Variants in INPP4B observed in about 807,000 individuals in gnomAD.
The protein encoded by INPP4B is inositol polyphosphate 4-phosphatase type II.
Under a neutral mutation model 122.5 loss-of-function variants are expected in INPP4B, and 55 were observed. That is an observed-to-expected ratio of 0.45 (90% confidence interval 0.36 to 0.56). INPP4B has a LOEUF of 0.56. Ranked by LOEUF, INPP4B falls within the 20% of genes least tolerant of loss-of-function variation. The pLI is 0.00. For synonymous variants in INPP4B, 403 were observed against 388.7 expected (o/e 1.04, Z -0.43); for missense variants, 1,000 against 1,097.7 (o/e 0.91, Z 1.26).
chr4:142,027,864 A>AT lies in INPP4B; in HGVS notation c.*917dup, dbSNP rs555585359. ...GTGGTTGCATATGTTTTAAAGGCTTATTAACACACACAAACCTATGCCATA... is the reference window on the plus strand; with the variant it reads ...GTGGTTGCATATGTTTTAAAGGCTTATTTAACACACACAAACCTATGCCATA... On this transcript the variant is annotated 3_prime_UTR_variant, in exon 26 of 26. Coordinates refer to ENST00000262992, the MANE Select transcript of INPP4B (RefSeq NM_001101669.3). 7.3e-5 allele frequency: 13 copies of AT among 177,648 alleles called. No individual in the cohort carries two copies. The South Asian group carries it at 2.4e-3, about 33-fold the overall frequency. 11.0% of individuals were successfully genotyped at this position (177,648 alleles called of 1,614,324 possible).
intron 2 of INPP4B, among the ~76,000 whole-genome samples, chr4:142,697,314 C>T (rs1416631528): frequency 6.6e-6 from 1 of 152,122 alleles, no homozygotes; most frequent in Admixed American, 6.6e-5. Context: ...CAACCTTGCT[C>T]CCAGAAAAGC....
At chr4:142,224,184 G>T (rs1850535351) in intron 12 of INPP4B, among the ~76,000 whole-genome samples, 1 of 152,138 alleles carries the variant, frequency 6.6e-6, no homozygotes, top group African/African-American at 2.4e-5. Flanking sequence ...GGGAACCCTT[G>T]TCTGATGATA....
In INPP4B at chr4:142,259,120, C is replaced by T. The variant is rs9762659; in HGVS notation, c.688+1372G>A. Among the ~76,000 whole-genome samples, 755 of 146,960 alleles carry T rather than the reference C, an allele frequency of 5.1e-3. 13 individuals carry two copies. The highest frequency in any genetic ancestry group is 0.017 in the African/African-American group (673 of 39,574). On this transcript the variant is annotated intron_variant, in intron 11 of 25. Coordinates refer to ENST00000262992, the MANE Select transcript of INPP4B (RefSeq NM_001101669.3). Reference sequence around the variant, plus strand: ...ATCACAAGAGCAAAAAACCAAACACCGCATATTCTCACTCATAGGTGGGAA... The same window carrying T: ...ATCACAAGAGCAAAAAACCAAACACTGCATATTCTCACTCATAGGTGGGAA...
intron 2 of INPP4B, among the ~76,000 whole-genome samples, chr4:142,555,152 C>T (rs1728865717): frequency 6.6e-6 from 1 of 152,270 alleles, no homozygotes; most frequent in African/African-American, 2.4e-5. Context: ...TGGCTGTGAA[C>T]CATAGCAACC....
At chr4:142,156,167 G>A (rs1023087515) in intron 17 of INPP4B, among the ~76,000 whole-genome samples, 1 of 151,746 alleles carries the variant, frequency 6.6e-6, no homozygotes, top group Admixed American at 6.6e-5. Context: ...ACTAAGAATT[G>A]TTTTTCTAGT....
At chr4:142,615,529 T>C (rs749308589) in intron 2 of INPP4B, among the ~76,000 whole-genome samples, 1 of 152,172 alleles carries the variant, frequency 6.6e-6, no homozygotes, top group Non-Finnish European at 1.5e-5. Context: ...ATGTGTGAGT[T>C]AGCCCTTGTC....
intron 14 of INPP4B, among the ~76,000 whole-genome samples, chr4:142,198,265 A>C (rs182336896): frequency 6.6e-6 from 1 of 152,192 alleles, no homozygotes; most frequent in Admixed American, 6.5e-5. Context: ...TGAATATTTA[A>C]AATTAAGGAC....
chr4:142,592,338 G>A lies in INPP4B; in HGVS notation c.-190-129612C>T, dbSNP rs532690976. On this transcript the variant is annotated intron_variant, in intron 2 of 25. Coordinates refer to ENST00000262992, the MANE Select transcript of INPP4B (RefSeq NM_001101669.3). ...AATATATTCGACTTCACTATTTTAAGATTGAAAAATAATAATTAGCATTTA... is the reference window on the plus strand; with the variant it reads ...AATATATTCGACTTCACTATTTTAAAATTGAAAAATAATAATTAGCATTTA... Among the ~76,000 whole-genome samples, 5 of 152,194 alleles carry A rather than the reference G, an allele frequency of 3.3e-5. No homozygotes were observed. The East Asian group carries it at 7.7e-4, about 24-fold the overall frequency.
chr4:142,542,295 C>T lies in INPP4B; in HGVS notation c.-190-79569G>A, dbSNP rs77799324. ...TTAATCTGATCCCCTTTTATAGATA[C>T]AGTTCTTGTATTAGACTTGCTGTGT... On this transcript the variant is annotated intron_variant, in intron 2 of 25. Transcript: ENST00000262992. Among the ~76,000 whole-genome samples the T allele has an allele frequency of 8.8e-3, 1,333 of 152,244 alleles. 18 individuals are homozygous for T. Among genetic ancestry groups the T allele is most frequent in the African/African-American group, 0.03 (1,246 of 41,554 alleles).
At chr4:142,402,282 T>C (rs1379127847) in intron 7 of INPP4B, among the ~76,000 whole-genome samples, 1 of 152,134 alleles carries the variant, frequency 6.6e-6, no homozygotes, top group East Asian at 1.9e-4. Flanking sequence ...TTTCATTACC[T>C]CCCCAATAGC....
chr4:142,185,937 T>C (rs1280601137), intron 15 of INPP4B, among the ~76,000 whole-genome samples: 4 of 147,668 alleles, frequency 2.7e-5, no homozygotes, highest in Non-Finnish European at 6.0e-5. Context: ...ATACTAAATG[T>C]AGGAATTTAT....
At chr4:142,803,649 T>TAAAAA (rs34262906) in intron 1 of INPP4B, among the ~76,000 whole-genome samples, 1 of 138,938 alleles carries the variant, frequency 7.2e-6, no homozygotes, top group Non-Finnish European at 1.6e-5. Context: ...CAATAAAACT[T>TAAAAA]AAAAAAAAAA....
chr4:142,146,050 CA>C, intron 17 of INPP4B, 54 bp from the exon 18 acceptor site: 5 of 1,563,306 alleles, frequency 3.2e-6, no homozygotes, highest in Non-Finnish European at 4.4e-6. Flanking sequence ...CAAGATAAGG[CA>C]AAGTCGGATA....
chr4:142,232,482 C>T (rs1169013414), intron 12 of INPP4B, among the ~76,000 whole-genome samples: 4 of 152,032 alleles, frequency 2.6e-5, no homozygotes, highest in African/African-American at 9.7e-5. Flanking sequence ...ATGAACCACA[C>T]CTAAAAGACG....
chr4:142,031,997 A>C (rs1307093975), intron 25 of INPP4B, among the ~76,000 whole-genome samples: 1 of 152,226 alleles, frequency 6.6e-6, no homozygotes, highest in African/African-American at 2.4e-5. Flanking sequence ...AGGCAGGAAA[A>C]GATTCATATG....
chr4:142,232,401 C>T (rs1200048507), intron 12 of INPP4B, among the ~76,000 whole-genome samples: 1 of 152,052 alleles, frequency 6.6e-6, no homozygotes, highest in African/African-American at 2.4e-5. Context: ...AATGTTTTCA[C>T]TAGTATATCA....
At chr4:142,695,829 C>T (rs1385120334) in intron 2 of INPP4B, among the ~76,000 whole-genome samples, 1 of 152,090 alleles carries the variant, frequency 6.6e-6, no homozygotes, top group African/African-American at 2.4e-5. Context: ...TATTTTACCC[C>T]AAAATATACT....
chr4:142,076,320 A>T (rs752126004), intron 25 of INPP4B, among the ~76,000 whole-genome samples: 7 of 152,074 alleles, frequency 4.6e-5, no homozygotes, highest in Non-Finnish European at 1.0e-4. Context: ...CAGAAAGATC[A>T]GTTCTCTTTT....
At chr4:142,422,227 A>AATG (rs1378494851) in intron 5 of INPP4B, among the ~76,000 whole-genome samples, 2 of 152,134 alleles carry the variant, frequency 1.3e-5, no homozygotes, top group East Asian at 1.9e-4. Context: ...CTCATAATGA[A>AATG]ATGATAAGAA....
Sources: gnomAD v4.1 joint callset for allele counts (sites outside exome capture counted in the v4.1 genomes callset) on GRCh38, gnomAD v4.1.1 for gene constraint, MANE v1.5 for transcripts, NCBI Gene and HGNC (gene_info 2026-07-23, HGNC 2026-07-21) for gene names.